Variants in DCP2 observed in about 807,000 individuals in gnomAD.
The protein encoded by DCP2 is decapping mRNA 2.
In DCP2, 30 loss-of-function variants were observed where a neutral mutation model predicts 56.1. The observed-to-expected ratio is 0.53, with a 90% CI of 0.40 to 0.73. The LOEUF is 0.73. Ranked by LOEUF, DCP2 falls within the 30% of genes least tolerant of loss-of-function variation. DCP2 has a pLI of 0.00. For missense variants in DCP2, 533 were observed against 502.7 expected (o/e 1.06, Z -0.58); for synonymous variants, 197 against 163.3 (o/e 1.21, Z -1.57).
chr5:113,015,435 C>A lies in DCP2; in HGVS notation c.*1951C>A, dbSNP rs141926747. 1 of 152,042 alleles carries A rather than the reference C, an allele frequency of 6.6e-6. No individual in the cohort carries two copies. The highest frequency in any genetic ancestry group is 2.4e-5 in the African/African-American group (1 of 41,244). The allele number at this position is 152,042 out of a possible 1,614,324, so 9.4% of individuals were successfully genotyped here. ...CTGTAGAGTTGGATTTTTCAGCTCT[C>A]AATACTGAAGCAAAAGAGATTATAG... On this transcript the variant is annotated 3_prime_UTR_variant, in exon 11 of 11. Coordinates refer to ENST00000389063, the MANE Select transcript of DCP2 (RefSeq NM_152624.6).
intron 9 of DCP2, among the ~76,000 whole-genome samples, chr5:113,009,446 C>G (rs947262647): frequency 6.6e-6 from 1 of 152,172 alleles, no homozygotes; most frequent in Non-Finnish European, 1.5e-5. Context: ...TTACATTTCT[C>G]CGATCAGATT....
chr5:112,995,137 T>C (rs777345334), intron 4 of DCP2, among the ~76,000 whole-genome samples: 24 of 152,300 alleles, frequency 1.6e-4, no homozygotes, highest in Admixed American at 5.2e-4. Context: ...ATGCTGTATT[T>C]TAAATTTGAT....
In DCP2 at chr5:113,003,976, C is replaced by T; in HGVS notation, c.841C>T (p.Pro281Ser). 2 of 1,614,094 alleles carry T rather than the reference C, an allele frequency of 1.2e-6. No individual in the cohort carries two copies. Among genetic ancestry groups the T allele is most frequent in the Non-Finnish European group, 1.7e-6 (2 of 1,179,998 alleles). Residue 281 changes from proline (P) to serine (S), a missense_variant, in exon 8 of 11, where the codon CCT becomes TCT. Physicochemically the swap from Pro to Ser is moderately conservative, Grantham distance 74 (BLOSUM62 -1). Transcript: ENST00000389063. ...TKFRHSQQLF[P>S]DGSPGDQWVK... ...ATTCCGCCACAGTCAGCAGTTATTT[C>T]CTGACGGTTCTCCTGGTGACCAGTG...
At chr5:113,006,620 T>TTA (rs1294781712) in intron 8 of DCP2, among the ~76,000 whole-genome samples, 10 of 152,012 alleles carry the variant, frequency 6.6e-5, no homozygotes, top group East Asian at 3.9e-4. Flanking sequence ...CATTCTTATT[T>TTA]TATATATATA....
intron 7 of DCP2, among the ~76,000 whole-genome samples, chr5:113,003,196 C>G (rs1749261967): frequency 1.3e-5 from 2 of 152,158 alleles, no homozygotes; most frequent in Non-Finnish European, 2.9e-5. Flanking sequence ...ATCTACCCTC[C>G]TTGGCCTCCC....
At position 112,985,939 on chromosome 5, in the gene DCP2, A is replaced by G. The variant is rs752572068; in HGVS notation, c.158A>G (p.Asn53Ser). 6.9e-6 allele frequency: 11 copies of G among 1,603,710 alleles called. No individual in the cohort carries two copies. Among genetic ancestry groups the G allele is most frequent in the Non-Finnish European group, 6.0e-6 (7 of 1,172,110 alleles). ...TTTTACTTGGATTTCTACATGCAGA[A>G]CACACCAGGATTACCTCAGTGTGGG... ...HWFYLDFYMQNTPGLPQCGIR... is the reference protein window; with the variant it reads ...HWFYLDFYMQSTPGLPQCGIR... Residue 53 changes from asparagine to serine, a missense_variant, in exon 2 of 11, where the codon AAC becomes AGC. Asn to Ser is a conservative substitution (Grantham distance 46, BLOSUM62 1). This residue lies in a region of DCP2 where 137 missense variants were observed against 138.2 expected (regional missense o/e 0.99). Coordinates refer to ENST00000389063, the MANE Select transcript of DCP2 (RefSeq NM_152624.6).
At chr5:113,010,517 A>AT (rs759418457) in intron 9 of DCP2, among the ~76,000 whole-genome samples, 7 of 152,032 alleles carry the variant, frequency 4.6e-5, no homozygotes, top group Non-Finnish European at 7.4e-5. Context: ...ATACTTGTCT[A>AT]TTTTTTTGAT....
chr5:112,987,846 G>T (rs1206817228), intron 2 of DCP2, among the ~76,000 whole-genome samples: 2 of 151,352 alleles, frequency 1.3e-5, no homozygotes, highest in Admixed American at 1.3e-4. Flanking sequence ...TGCCCAGTCT[G>T]GCTTGAATTT....
chr5:112,982,207 A>G (rs954568074), intron 1 of DCP2, among the ~76,000 whole-genome samples: 23 of 152,104 alleles, frequency 1.5e-4, no homozygotes, highest in Non-Finnish European at 4.4e-5. Context: ...CAAAGTTTCT[A>G]GCTGCTTTTT....
intron 4 of DCP2, 93 bp from the exon 5 acceptor site, chr5:113,000,991 C>T (rs1749151443): frequency 8.3e-7 from 1 of 1,205,818 alleles, no homozygotes; most frequent in Admixed American, 2.8e-5. Flanking sequence ...AGTCATGTCC[C>T]CTTTTTCTGA....
In DCP2 at chr5:112,986,015, C is replaced by T. The variant is rs759198445; in HGVS notation, c.205+29C>T. On this transcript the variant is annotated intron_variant, in intron 2 of 10. Transcript: ENST00000389063. The stretch of plus-strand genomic sequence containing the variant: ...TCCTTTTTATTACTATAATGACTGA[C>T]TTTCTTGTTAGCAATATATTTTAGC... 7 of 1,487,254 alleles carry T rather than the reference C, an allele frequency of 4.7e-6. No individual in the cohort carries two copies. The East Asian group carries it at 1.4e-4, about 29-fold the overall frequency. 92.1% of individuals were successfully genotyped at this position (1,487,254 alleles called of 1,614,324 possible).
Position 113,001,247 on chromosome 5 carries a change from A to C in DCP2, c.585+11A>C. The stretch of plus-strand genomic sequence containing the variant: ...AGAAGAGAAATTCGGGTATGTAACA[A>C]GAGTATTTTCAGGTTACTGGACAGT... On this transcript the variant is annotated intron_variant, in intron 5 of 10. Transcript: ENST00000389063. The C allele has an allele frequency of 6.2e-7, 1 of 1,611,936 alleles. No homozygotes were observed. The highest frequency in any genetic ancestry group is 1.1e-5 in the South Asian group (1 of 90,496).
intron 4 of DCP2, among the ~76,000 whole-genome samples, chr5:112,999,209 A>G (rs1213816157): frequency 1.3e-5 from 2 of 152,238 alleles, no homozygotes; most frequent in African/African-American, 4.8e-5. Flanking sequence ...GCAGATTCAT[A>G]TGACTAGCTA....
At chr5:112,986,105 T>C in intron 2 of DCP2, 119 bp downstream of exon 2, 6 of 1,021,426 alleles carry the variant, frequency 5.9e-6, no homozygotes, top group Non-Finnish European at 8.2e-6. Context: ...ACTTGATTGC[T>C]AAAATTTGTC....
intron 9 of DCP2, among the ~76,000 whole-genome samples, chr5:113,010,194 T>C (rs1213729576): frequency 6.7e-6 from 1 of 149,836 alleles, no homozygotes; most frequent in Non-Finnish European, 1.5e-5. Context: ...CACCACACCC[T>C]ACTAATTCTT....
chr5:112,981,675 T>C (rs1003840532), intron 1 of DCP2, among the ~76,000 whole-genome samples: 1 of 151,120 alleles, frequency 6.6e-6, no homozygotes, highest in East Asian at 1.9e-4. Context: ...TCCGTTCTTA[T>C]ATCCTACAAA....
intron 8 of DCP2, 129 bp from the exon 9 acceptor site, chr5:113,007,809 A>G: frequency 1.4e-6 from 1 of 691,994 alleles, no homozygotes; most frequent in Non-Finnish European, 2.4e-6. Context: ...AGGGTGATTA[A>G]TGAAAATTTG....
intron 4 of DCP2, among the ~76,000 whole-genome samples, chr5:112,999,604 G>C (rs1220649587): frequency 6.6e-6 from 1 of 151,510 alleles, no homozygotes; most frequent in Non-Finnish European, 1.5e-5. Flanking sequence ...TGGGATTACA[G>C]GCGTGAGCCA....
At chr5:112,989,507 G>GA (rs943374961) in intron 2 of DCP2, among the ~76,000 whole-genome samples, 1 of 151,948 alleles carries the variant, frequency 6.6e-6, no homozygotes, top group Non-Finnish European at 1.5e-5. Context: ...CGGAGGAAAT[G>GA]AAAAAAGTTA....
Sources: gnomAD v4.1 joint callset for allele counts (sites outside exome capture counted in the v4.1 genomes callset) on GRCh38, gnomAD v4.1.1 for gene constraint, gnomAD v4.1.1 regional missense constraint, MANE v1.5 for transcripts, NCBI Gene and HGNC (gene_info 2026-07-23, HGNC 2026-07-21) for gene names.